UBE2E2: variants seen among roughly 807,000 people sequenced by gnomAD.
UBE2E2 encodes ubiquitin conjugating enzyme E2 E2, also known as ubiquitin-conjugating enzyme E2 E2.
In UBE2E2, 6 loss-of-function variants were observed where a neutral mutation model predicts 24.7. That is an observed-to-expected ratio of 0.24 (90% confidence interval 0.13 to 0.48). The LOEUF (loss-of-function observed/expected upper bound fraction) is 0.48, where lower values mean the gene tolerates loss of function less well. UBE2E2 is among the 20% of genes least tolerant of loss of function. The probability of loss-of-function intolerance (pLI) is 0.99; values close to 1 mark genes in which losing one functional copy is unlikely to be tolerated. For missense variants in UBE2E2, 169 were observed against 245.0 expected (o/e 0.69, Z 2.07); for synonymous variants, 104 against 83.6 (o/e 1.24, Z -1.33).
chr3:23,360,138 A>G (rs1325181010), intron 3 of UBE2E2, among the ~76,000 whole-genome samples: 1 of 152,200 alleles, frequency 6.6e-6, no homozygotes, highest in East Asian at 1.9e-4. Context: ...TAAAGGGCCT[A>G]AGTATTTGAA....
chr3:23,208,571 G>T, intron 1 of UBE2E2, 121 bp from the exon 2 acceptor site: 2 of 730,456 alleles, frequency 2.7e-6, no homozygotes, highest in East Asian at 3.3e-5. Flanking sequence ...TTTTGTAAAT[G>T]ACCAATTTAA....
chr3:23,448,006 G>C (rs941843989), intron 3 of UBE2E2, among the ~76,000 whole-genome samples: 1 of 152,152 alleles, frequency 6.6e-6, no homozygotes, highest in African/African-American at 2.4e-5. Context: ...GTATAGCAAA[G>C]TAAATATAAA....
chr3:23,368,076 T>C (rs1196954749), intron 3 of UBE2E2, among the ~76,000 whole-genome samples: 1 of 152,208 alleles, frequency 6.6e-6, no homozygotes, highest in Admixed American at 6.5e-5. Context: ...CATTTTCATT[T>C]TGTGATGGCA....
intron 3 of UBE2E2, among the ~76,000 whole-genome samples, chr3:23,443,505 A>G (rs1368952180): frequency 1.3e-5 from 2 of 152,124 alleles, no homozygotes; most frequent in African/African-American, 4.8e-5. Context: ...AGGAGGAAGA[A>G]TTTTTTCATT....
chr3:23,382,831 CAT>C (rs1696709790), intron 3 of UBE2E2, among the ~76,000 whole-genome samples: 2 of 151,962 alleles, frequency 1.3e-5, no homozygotes, highest in Admixed American at 1.3e-4. Flanking sequence ...CATTTAAAAA[CAT>C]GTGCAAAGGA....
intron 4 of UBE2E2, among the ~76,000 whole-genome samples, chr3:23,521,363 A>G (rs1575682581): frequency 6.6e-6 from 1 of 152,358 alleles, no homozygotes; most frequent in South Asian, 2.1e-4. Context: ...TTTACATGGA[A>G]TCCATTAACT....
At chr3:23,281,027 T>G (rs1698479832) in intron 3 of UBE2E2, among the ~76,000 whole-genome samples, 1 of 152,172 alleles carries the variant, frequency 6.6e-6, no homozygotes, top group Non-Finnish European at 1.5e-5. Flanking sequence ...AGAAAGACCT[T>G]GTGTCTCTTC....
chr3:23,529,405 A>C (rs1695069873), intron 4 of UBE2E2, among the ~76,000 whole-genome samples: 1 of 152,144 alleles, frequency 6.6e-6, no homozygotes, highest in Non-Finnish European at 1.5e-5. Flanking sequence ...AATACATGGG[A>C]TCTCTTTATT....
At position 23,407,691 on chromosome 3, in the gene UBE2E2, A is replaced by G. The variant is rs971878719; in HGVS notation, c.228-91917A>G. 5.3e-5 allele frequency among the ~76,000 whole-genome samples: 7 copies of G among 131,432 alleles called. No individual in the cohort carries two copies. In the South Asian group the frequency reaches 1.7e-3, roughly 31 times the overall value. The allele number at this position is 131,432 out of a possible 152,430, so 86.2% of individuals were successfully genotyped here. ...TGTGTGTGTGTGTGTGTGTGTGTGT[A>G]GTATTTCAGAGAAAATCCCAGGCTT... On this transcript the variant is annotated intron_variant, in intron 3 of 5. Transcript: ENST00000396703. The surrounding 1 kb of genome is among the most constrained non-coding windows in gnomAD (Gnocchi z 4.0).
chr3:23,313,371 A>G (rs1342368078), intron 3 of UBE2E2, among the ~76,000 whole-genome samples: 1 of 142,410 alleles, frequency 7.0e-6, no homozygotes, highest in African/African-American at 2.6e-5. Context: ...TCTTGTAGGC[A>G]ATGGATCATT....
intron 3 of UBE2E2, among the ~76,000 whole-genome samples, chr3:23,241,809 G>A (rs1407652431): frequency 6.6e-6 from 1 of 152,086 alleles, no homozygotes; most frequent in African/African-American, 2.4e-5. Context: ...TCAATAAATT[G>A]CACTTCATTG....
intron 3 of UBE2E2, among the ~76,000 whole-genome samples, chr3:23,326,361 G>A (rs1329309647): frequency 6.6e-6 from 1 of 152,140 alleles, no homozygotes; most frequent in African/African-American, 2.4e-5. Context: ...TTGAGCCACC[G>A]TGCCTGGCCA....
At chr3:23,255,279 C>T (rs1697691027) in intron 3 of UBE2E2, among the ~76,000 whole-genome samples, 1 of 147,068 alleles carries the variant, frequency 6.8e-6, no homozygotes, top group Non-Finnish European at 1.5e-5. Context: ...TTTTTGGTAA[C>T]GATAGGGTTT....
At chr3:23,304,694 C>T (rs1216005192) in intron 3 of UBE2E2, among the ~76,000 whole-genome samples, 1 of 152,120 alleles carries the variant, frequency 6.6e-6, no homozygotes, top group Non-Finnish European at 1.5e-5. Flanking sequence ...TTCAATAATA[C>T]ACCAAAAGTT....
intron 3 of UBE2E2, among the ~76,000 whole-genome samples, chr3:23,396,377 TTA>T (rs994208093): frequency 2.0e-5 from 3 of 148,224 alleles, no homozygotes; most frequent in Admixed American, 6.7e-5. Flanking sequence ...AAATAAAAAA[TTA>T]TATATGTATG....
intron 3 of UBE2E2, among the ~76,000 whole-genome samples, chr3:23,359,074 G>A (rs890390176): frequency 2.0e-5 from 3 of 152,128 alleles, no homozygotes; most frequent in Admixed American, 6.5e-5. Flanking sequence ...TCTCATTGCC[G>A]TTTTTGACTA....
At chr3:23,283,980 G>A (rs904800202) in intron 3 of UBE2E2, among the ~76,000 whole-genome samples, 1 of 152,096 alleles carries the variant, frequency 6.6e-6, no homozygotes, top group African/African-American at 2.4e-5. Context: ...TGGATAAGAG[G>A]GCCTCTGAAC....
intron 3 of UBE2E2, among the ~76,000 whole-genome samples, chr3:23,224,470 A>G (rs1478242920): frequency 6.6e-6 from 1 of 150,884 alleles, no homozygotes; most frequent in African/African-American, 2.4e-5. Flanking sequence ...TGCTGTTGAC[A>G]TATATAAATG....
At position 23,589,961 on chromosome 3, in the gene UBE2E2, T is replaced by C; in HGVS notation, c.*130T>C. 2.5e-6 allele frequency: 2 copies of C among 798,332 alleles called. No individual in the cohort carries two copies. The highest frequency in any genetic ancestry group is 4.0e-6 in the Non-Finnish European group (2 of 505,090). 49.5% of individuals were successfully genotyped at this position (798,332 alleles called of 1,614,324 possible). On this transcript the variant is annotated 3_prime_UTR_variant, in exon 6 of 6. Coordinates refer to ENST00000396703, the MANE Select transcript of UBE2E2 (RefSeq NM_152653.4). This position sits in a 1 kb window ranked among gnomAD's most constrained non-coding sequence, Gnocchi z 4.1. ...TATTAAATTTGGAACCATTTTGTGA[T>C]GGTATGTTGTCCATCTTCCCATCCC...
Sources: allele counts gnomAD v4.1 joint callset (sites outside exome capture counted in the v4.1 genomes callset), GRCh38; gene constraint gnomAD v4.1.1; non-coding constraint Gnocchi (gnomAD v3.1); transcripts MANE v1.5; gene names NCBI Gene and HGNC (gene_info 2026-07-23, HGNC 2026-07-21).